Variants in ZMYND12 observed in about 807,000 individuals in gnomAD.
The protein encoded by ZMYND12 is zinc finger MYND-type containing 12.
In ZMYND12, 32 loss-of-function variants were observed where a neutral mutation model predicts 41.7. The observed-to-expected ratio is 0.77, with a 90% CI of 0.58 to 1.03. The LOEUF (loss-of-function observed/expected upper bound fraction) is 1.03, where lower values mean the gene tolerates loss of function less well. Ranked by LOEUF, ZMYND12 falls within the 50% of genes least tolerant of loss-of-function variation. The pLI is 0.00. For synonymous variants in ZMYND12, 148 were observed against 164.8 expected, an observed-to-expected ratio of 0.90 and a Z score of 0.78; for missense variants, 424 against 438.5, an observed-to-expected ratio of 0.97 and a Z score of 0.30.
intron 2 of ZMYND12, among the ~76,000 whole-genome samples, chr1:42,449,542 C>A (rs187275066): frequency 6.4e-4 from 98 of 152,298 alleles, no homozygotes; most frequent in African/African-American, 2.1e-3. Flanking sequence ...TGCTTGCACA[C>A]AAAGGACCAT....
At chr1:42,433,656 C>T (rs1172407710) in intron 6 of ZMYND12, among the ~76,000 whole-genome samples, 5 of 152,206 alleles carry the variant, frequency 3.3e-5, no homozygotes, top group Admixed American at 6.5e-5. Context: ...TCCTTGGGTC[C>T]AACTCAGATT....
intron 4 of ZMYND12, among the ~76,000 whole-genome samples, chr1:42,439,477 G>A (rs898232855): frequency 2.6e-5 from 4 of 152,072 alleles, no homozygotes; most frequent in Non-Finnish European, 5.9e-5. Context: ...TGTTGGCCAG[G>A]ACGGTCTCAA....
chr1:42,452,650 C>G, intron 1 of ZMYND12, among the ~76,000 whole-genome samples: 1 of 152,072 alleles, frequency 6.6e-6, no homozygotes, highest in East Asian at 1.9e-4. Context: ...TTGCAGTGAG[C>G]CAAGATGGTG....
chr1:42,441,132 G>C (rs1642963240), intron 3 of ZMYND12, among the ~76,000 whole-genome samples: 1 of 152,078 alleles, frequency 6.6e-6, no homozygotes, highest in Admixed American at 6.6e-5. Flanking sequence ...TAGTATAATT[G>C]CAATAGCAAC....
rs79584009 is a variant in ZMYND12 at position 42,443,139 on chromosome 1, C to T, written c.425-3114G>A. Among the ~76,000 whole-genome samples the T allele has an allele frequency of 1.9e-3, 290 of 152,282 alleles. 4 individuals are homozygous for T. The highest frequency in any genetic ancestry group is 4.4e-3 in the African/African-American group (184 of 41,540). ...TGAAGACTCCAAGGCCCAGCTGAAC[C>T]AGCATCTAAACAAGCATCAGTCCTA... On this transcript the variant is annotated intron_variant, in intron 3 of 7. Coordinates refer to ENST00000372565, the MANE Select transcript of ZMYND12 (RefSeq NM_032257.5).
Position 42,430,681 on chromosome 1 carries a change from A to G in ZMYND12, c.*55T>C, listed in dbSNP as rs376589166. On this transcript the variant is annotated 3_prime_UTR_variant, in exon 8 of 8. Transcript: ENST00000372565. ...CAAAGCAGTTGTGCAAGGCTGGAAT[A>G]TATTAGATCTTCAGTAGCCCCTGGA... The G allele has an allele frequency of 4.4e-6, 7 of 1,602,868 alleles. No individual in the cohort carries two copies. The highest frequency in any genetic ancestry group is 1.1e-5 in the South Asian group (1 of 90,666).
chr1:42,450,089 T>G, intron 1 of ZMYND12, 30 bp from the exon 2 acceptor site: 1 of 1,609,044 alleles, frequency 6.2e-7, no homozygotes, highest in Non-Finnish European at 8.5e-7. Flanking sequence ...CTTTATGATC[T>G]TTATATTTGG....
chr1:42,442,107 C>T (rs916478424), intron 3 of ZMYND12, among the ~76,000 whole-genome samples: 6 of 151,934 alleles, frequency 3.9e-5, no homozygotes, highest in African/African-American at 1.5e-4. Flanking sequence ...TGGTGGTAGG[C>T]AGGGGGCAGG....
intron 3 of ZMYND12, among the ~76,000 whole-genome samples, chr1:42,446,629 G>A (rs897741024): frequency 1.3e-5 from 2 of 148,456 alleles, no homozygotes; most frequent in African/African-American, 5.0e-5. Context: ...TCTAGCCTGG[G>A]TGACAGAGTG....
intron 7 of ZMYND12, among the ~76,000 whole-genome samples, chr1:42,432,409 C>T (rs1642863173): frequency 6.6e-6 from 1 of 152,108 alleles, no homozygotes; most frequent in African/African-American, 2.4e-5. Context: ...ATTACACATA[C>T]ATATGTTTAT....
chr1:42,446,916 T>C (rs1455525971), intron 3 of ZMYND12, among the ~76,000 whole-genome samples: 1 of 152,172 alleles, frequency 6.6e-6, no homozygotes, highest in Non-Finnish European at 1.5e-5. Flanking sequence ...ATCTGGGAGA[T>C]GCAGAAGCCA....
chr1:42,446,723 T>C (rs1643028230), intron 3 of ZMYND12, among the ~76,000 whole-genome samples: 1 of 152,112 alleles, frequency 6.6e-6, no homozygotes, highest in African/African-American at 2.4e-5. Flanking sequence ...CACCCATTAT[T>C]ATATTTACAC....
In ZMYND12 at chr1:42,455,898, T is replaced by C. The variant is rs1484043237; in HGVS notation, c.100A>G (p.Thr34Ala). 1 of 1,612,084 alleles carries C rather than the reference T, an allele frequency of 6.2e-7. No individual in the cohort carries two copies. The highest frequency in any genetic ancestry group is 8.5e-7 in the Non-Finnish European group (1 of 1,178,908). ...CGTTTCAGGGCCTACCAGTAATAAG[T>C]GACTGTGCAGGCCGCGCACACCCGC... Reference protein sequence around the residue: ...AERVCAACTVTYYCGVVHQKA... With the variant: ...AERVCAACTVAYYCGVVHQKA... Residue 34 changes from threonine (T) to alanine (A), a missense_variant, in exon 1 of 8, where the codon ACT (threonine) becomes GCT (alanine). Transcript: ENST00000372565.
intron 4 of ZMYND12, among the ~76,000 whole-genome samples, chr1:42,438,733 C>A (rs908780506): frequency 2.6e-5 from 4 of 152,116 alleles, no homozygotes; most frequent in African/African-American, 9.7e-5. Context: ...TAAAGAATAA[C>A]CAGCGTAAAA....
chr1:42,436,394 G>T, intron 5 of ZMYND12, 27 bp downstream of exon 5: 1 of 1,611,650 alleles, frequency 6.2e-7, no homozygotes, highest in Non-Finnish European at 8.5e-7. Context: ...AAGAGTGAAG[G>T]CTCAGCTCCC....
At chr1:42,432,273 G>A (rs1642861878) in intron 7 of ZMYND12, among the ~76,000 whole-genome samples, 1 of 151,786 alleles carries the variant, frequency 6.6e-6, no homozygotes, top group Non-Finnish European at 1.5e-5. Context: ...TGTTGCCCAG[G>A]CTGGTCTTGA....
chr1:42,451,765 A>T (rs945412987), intron 1 of ZMYND12, among the ~76,000 whole-genome samples: 6 of 152,266 alleles, frequency 3.9e-5, no homozygotes, highest in African/African-American at 1.2e-4. Flanking sequence ...AAAAGCACTT[A>T]GCCAGGATAT....
chr1:42,443,761 A>C lies in ZMYND12; in HGVS notation c.425-3736T>G, dbSNP rs565329191. On this transcript the variant is annotated intron_variant, in intron 3 of 7. Transcript: ENST00000372565. ...ACTTCATTCATTCATTCAACCAAAC[A>C]TATATTCACCTAATTGATTGAGTCT... Among the ~76,000 whole-genome samples, 4 of 152,318 alleles carry C rather than the reference A, an allele frequency of 2.6e-5. No homozygotes were observed. The South Asian group carries it at 8.3e-4, about 32-fold the overall frequency.
chr1:42,433,273 G>T lies in ZMYND12; in HGVS notation c.845C>A (p.Ala282Glu), dbSNP rs1642874093. The change falls in exon 7 of 8, where the codon GCA (alanine) becomes GAA (glutamate). Residue 282 changes from alanine to glutamate, a missense_variant. Ala to Glu is a moderately radical substitution (Grantham distance 107). Coordinates refer to ENST00000372565, the MANE Select transcript of ZMYND12 (RefSeq NM_032257.5). ...TGAAGTCAGGATGCGAATGGCTTCTGCTTCTTGGGCTTCATCTGCATTGGA... is the reference window on the plus strand; with the variant it reads ...TGAAGTCAGGATGCGAATGGCTTCTTCTTCTTGGGCTTCATCTGCATTGGA... ...NDTGLDEAQE[A>E]EAIRILTSIL... The T allele has an allele frequency of 6.2e-7, 1 of 1,607,446 alleles. No individual in the cohort carries two copies. The highest frequency in any genetic ancestry group is 8.5e-7 in the Non-Finnish European group (1 of 1,178,152).
Sources: gnomAD v4.1 joint callset for allele counts (sites outside exome capture counted in the v4.1 genomes callset) on GRCh38, gnomAD v4.1.1 for gene constraint, MANE v1.5 for transcripts, NCBI Gene and HGNC (gene_info 2026-07-23, HGNC 2026-07-21) for gene names.